The following CTNNA3 variants were observed in gnomAD, a reference collection of about 807,000 sequenced individuals.
The protein encoded by CTNNA3 is catenin alpha 3, also known as catenin alpha-3.
Under a neutral mutation model 95.7 loss-of-function variants are expected in CTNNA3, and 76 were observed. The ratio of observed to expected loss-of-function variants is 0.79; its 90% CI spans 0.66 to 0.96. The LOEUF (loss-of-function observed/expected upper bound fraction) is 0.96, where lower values mean the gene tolerates loss of function less well. Among genes scored for constraint, CTNNA3 ranks in the 40% least tolerant of loss-of-function variants. The pLI is 0.00. For synonymous variants in CTNNA3, 431 were observed against 374.4 expected, an observed-to-expected ratio of 1.15 and a Z score of -1.74; for missense variants, 1,191 against 1,089.8, an observed-to-expected ratio of 1.09 and a Z score of -1.31.
intron 7 of CTNNA3, among the ~76,000 whole-genome samples, chr10:66,870,174 T>G (rs1388976252): frequency 6.6e-6 from 1 of 152,088 alleles, no homozygotes; most frequent in East Asian, 1.9e-4. Flanking sequence ...GAACATTTGG[T>G]GTCTCCTATA....
chr10:66,911,295 T>G (rs1846212541), intron 7 of CTNNA3, among the ~76,000 whole-genome samples: 2 of 152,198 alleles, frequency 1.3e-5, no homozygotes, highest in South Asian at 4.1e-4. Context: ...ATAAAAAATT[T>G]GTATAGTTCC....
At chr10:66,824,702 A>G (rs902783354) in intron 7 of CTNNA3, among the ~76,000 whole-genome samples, 1 of 152,192 alleles carries the variant, frequency 6.6e-6, no homozygotes, top group Non-Finnish European at 1.5e-5. Flanking sequence ...ACCCAAATTG[A>G]AAGACGTTCT....
chr10:66,806,452 C>T (rs1841646958), intron 7 of CTNNA3, among the ~76,000 whole-genome samples: 1 of 151,968 alleles, frequency 6.6e-6, no homozygotes, highest in Non-Finnish European at 1.5e-5. Context: ...AATCACTGTA[C>T]TATGTTGTAC....
chr10:67,620,923 G>GTGTGTATATATATATATATATATATATA (rs1402402526), intron 2 of CTNNA3, among the ~76,000 whole-genome samples: 2 of 123,802 alleles, frequency 1.6e-5, no homozygotes, highest in African/African-American at 6.1e-5. Flanking sequence ...GTGTGTGTGT[G>GTGTGTATATATATATATATATATATATA]TATATATATA....
intron 13 of CTNNA3, among the ~76,000 whole-genome samples, chr10:66,276,090 T>G (rs548603289): frequency 6.6e-6 from 1 of 152,294 alleles, no homozygotes; most frequent in East Asian, 1.9e-4. Context: ...TATCTTATTT[T>G]TCTTTGTTTC....
chr10:67,143,946 A>C (rs1183582494), intron 7 of CTNNA3, among the ~76,000 whole-genome samples: 1 of 152,222 alleles, frequency 6.6e-6, no homozygotes, highest in Non-Finnish European at 1.5e-5. Flanking sequence ...CTTTGCCCAG[A>C]TCTATCAGAG....
chr10:67,029,843 A>G (rs1282714512), intron 7 of CTNNA3, among the ~76,000 whole-genome samples: 1 of 152,212 alleles, frequency 6.6e-6, no homozygotes, highest in Non-Finnish European at 1.5e-5. Flanking sequence ...CGGTTCCTCA[A>G]TGACACTAAA....
At chr10:67,292,189 T>C (rs913850794) in intron 5 of CTNNA3, among the ~76,000 whole-genome samples, 8 of 152,088 alleles carry the variant, frequency 5.3e-5, no homozygotes, top group African/African-American at 1.9e-4. Flanking sequence ...TTATGGCCAG[T>C]TTTTACACAG....
intron 5 of CTNNA3, among the ~76,000 whole-genome samples, chr10:67,283,984 C>CT (rs1839499196): frequency 6.6e-6 from 1 of 152,152 alleles, no homozygotes; most frequent in Admixed American, 6.5e-5. Flanking sequence ...ATGTGTATGC[C>CT]TTTTCTCCTA....
chr10:66,169,358 C>A (rs550176372), intron 13 of CTNNA3, among the ~76,000 whole-genome samples: 92 of 152,266 alleles, frequency 6.0e-4, no homozygotes, highest in African/African-American at 2.2e-3. Context: ...GCCATTAATT[C>A]ATTCCTTTTT....
At chr10:67,648,902 G>T in intron 1 of CTNNA3, 1 of 815,856 alleles carries the variant, frequency 1.2e-6, no homozygotes, top group Non-Finnish European at 1.7e-6. Flanking sequence ...GAACTGAAAT[G>T]TTTTAGTTTG....
At chr10:67,021,997 C>T (rs117277796) in intron 7 of CTNNA3, among the ~76,000 whole-genome samples, 2,099 of 152,284 alleles carry the variant, frequency 0.014, 22 homozygotes, top group Middle Eastern at 0.034. Context: ...AAGTTCTGCT[C>T]TAATTGTTAA....
chr10:67,488,512 G>C (rs1169187673), intron 5 of CTNNA3, among the ~76,000 whole-genome samples: 2 of 151,990 alleles, frequency 1.3e-5, no homozygotes, highest in African/African-American at 4.8e-5. Context: ...TGGAATTACA[G>C]GCACATGCCA....
At chr10:66,278,652 T>C (rs2091440791) in intron 13 of CTNNA3, among the ~76,000 whole-genome samples, 1 of 149,806 alleles carries the variant, frequency 6.7e-6, no homozygotes, top group Admixed American at 6.8e-5. Flanking sequence ...AACATCTAAC[T>C]GGGAGAAGCT....
chr10:66,010,193 A>T (rs953670440), intron 15 of CTNNA3, among the ~76,000 whole-genome samples: 1 of 152,180 alleles, frequency 6.6e-6, no homozygotes, highest in Non-Finnish European at 1.5e-5. Context: ...ACATGTTACT[A>T]TCATCTACGA....
intron 7 of CTNNA3, among the ~76,000 whole-genome samples, chr10:67,089,836 C>A (rs1226603808): frequency 6.6e-6 from 1 of 151,698 alleles, no homozygotes; most frequent in East Asian, 1.9e-4. Flanking sequence ...TTGTCCATCC[C>A]TTTCACAAGC....
At chr10:66,101,362 G>A (rs1029653913) in intron 14 of CTNNA3, among the ~76,000 whole-genome samples, 1 of 152,122 alleles carries the variant, frequency 6.6e-6, no homozygotes, top group Non-Finnish European at 1.5e-5. Flanking sequence ...CTGGCTATGT[G>A]ATAATGGTGT....
intron 13 of CTNNA3, among the ~76,000 whole-genome samples, chr10:66,202,373 T>A (rs1157863210): frequency 6.6e-6 from 1 of 152,222 alleles, no homozygotes; most frequent in African/African-American, 2.4e-5. Flanking sequence ...GTTAGAATCA[T>A]GTTCAAATAA....
At chr10:66,096,329 A>G (rs2081384247) in intron 14 of CTNNA3, among the ~76,000 whole-genome samples, 1 of 152,146 alleles carries the variant, frequency 6.6e-6, no homozygotes, top group Admixed American at 6.6e-5. Flanking sequence ...GGAAAGAATG[A>G]CTGTAGAATA....
Sources: gnomAD v4.1 joint callset for allele counts (sites outside exome capture counted in the v4.1 genomes callset) on GRCh38, gnomAD v4.1.1 for gene constraint, MANE v1.5 for transcripts, NCBI Gene and HGNC (gene_info 2026-07-23, HGNC 2026-07-21) for gene names.